Variants in ABCA1 observed in about 807,000 individuals in gnomAD.
The protein encoded by ABCA1 is phospholipid-transporting ATPase ABCA1.
A neutral mutation model predicts 262.5 loss-of-function variants in ABCA1; 133 were observed. That is an observed-to-expected ratio of 0.51 (90% CI 0.44 to 0.59). The LOEUF is 0.59. ABCA1 is among the 20% of genes least tolerant of loss of function. The pLI, the probability that ABCA1 is intolerant of heterozygous loss-of-function variation, is 0.00. For synonymous variants in ABCA1, 1,022 were observed against 1,043.5 expected (o/e 0.98, Z 0.40); for missense variants, 2,452 against 2,777.5 (o/e 0.88, Z 2.63).
rs1840864826 is a variant in ABCA1 at position 104,903,789 on chromosome 9, AG to A, written c.-92-19del. On this transcript the variant is annotated intron_variant, in intron 1 of 49. Transcript: ENST00000374736. ...GTCATTAACTGAAAGATAAAGCAGG[AG>A]GGGAAACAGCCATCAGTTATTGCTG... 5.0e-6 allele frequency: 5 copies of A among 1,006,682 alleles called. No individual in the cohort carries two copies. The highest frequency in any genetic ancestry group is 4.1e-5 in the South Asian group (3 of 72,922). 62.4% of individuals were successfully genotyped at this position (1,006,682 alleles called of 1,614,324 possible).
chr9:104,831,873 C>T (rs542766048), intron 12 of ABCA1, 46 bp from the exon 13 acceptor site: 89 of 1,567,914 alleles, frequency 5.7e-5, no homozygotes, highest in African/African-American at 4.9e-4. Context: ...GCCAGGACAA[C>T]AAGCAGTGGC....
chr9:104,861,816 GTTTTAT>G lies in ABCA1; in HGVS notation c.422-22_422-17del. On this transcript the variant is annotated splice_polypyrimidine_tract_variant and intron_variant, in intron 5 of 49. Transcript: ENST00000374736. ...AGCTTCAAGTCTATTGAGAAATAGT[GTTTTAT>G]TTTTATTTAGTAAGTAACTCAAAAA... 6.3e-7 allele frequency: 1 copy of G among 1,595,698 alleles called. No homozygotes were observed. The highest frequency in any genetic ancestry group is 8.6e-7 in the Non-Finnish European group (1 of 1,169,340).
At position 104,814,446 on chromosome 9, in the gene ABCA1, C is replaced by T. The variant is rs140160885; in HGVS notation, c.3768G>A (p.Gly1256=). The T allele has an allele frequency of 6.1e-5, 99 of 1,614,020 alleles. 2 individuals are homozygous for T. Among genetic ancestry groups the T allele is most frequent in the South Asian group, 4.3e-4 (39 of 91,072 alleles). Residue 1256 remains glycine (G), a synonymous_variant, in exon 26 of 50, where the codon GGG becomes GGA. Transcript: ENST00000374736. The part of the protein sequence containing the change: ...EIFLKVAEES[G]VDAETSDGTL... ...AGTTACCTGAGGTCTCAGCATCCACCCCACTCTCTTCGGCCACCTTGAGGA... is the reference window on the plus strand; with the variant it reads ...AGTTACCTGAGGTCTCAGCATCCACTCCACTCTCTTCGGCCACCTTGAGGA...
intron 1 of ABCA1, among the ~76,000 whole-genome samples, chr9:104,918,852 C>A (rs1202568402): frequency 6.6e-6 from 1 of 152,122 alleles, no homozygotes; most frequent in African/African-American, 2.4e-5. Context: ...ATACCAGATC[C>A]AACAGATTTC....
At chr9:104,825,556 C>T in intron 17 of ABCA1, 127 bp downstream of exon 17, 1 of 901,390 alleles carries the variant, frequency 1.1e-6, no homozygotes, top group Non-Finnish European at 1.8e-6. Context: ...CTTGGACTAT[C>T]TGTTTACTAT....
chr9:104,790,812 A>AT, intron 44 of ABCA1, 110 bp downstream of exon 44: 1 of 798,066 alleles, frequency 1.3e-6, no homozygotes, highest in South Asian at 1.5e-5. Context: ...ATATTTCAAC[A>AT]TTTTTATGAA....
chr9:104,821,973 A>C (rs1227683938), intron 19 of ABCA1, among the ~76,000 whole-genome samples: 2 of 152,186 alleles, frequency 1.3e-5, no homozygotes, highest in Non-Finnish European at 2.9e-5. Flanking sequence ...GTCACCCCCC[A>C]AAGATATACC....
chr9:104,810,755 C>T (rs1165550304), intron 29 of ABCA1, 45 bp downstream of exon 29: 2 of 1,613,924 alleles, frequency 1.2e-6, no homozygotes, highest in Admixed American at 3.3e-5. Flanking sequence ...CATCTTTGGT[C>T]TGCTCGAATC....
chr9:104,893,421 CAAAAAAAAA>C (rs34544647), intron 2 of ABCA1, among the ~76,000 whole-genome samples: 840 of 34,968 alleles, frequency 0.024, 1 homozygote, highest in Non-Finnish European at 0.028. Flanking sequence ...GACTTCACCT[CAAAAAAAAA>C]AAAAAAAAAA....
At chr9:104,786,482 G>A in intron 47 of ABCA1, 92 bp from the exon 48 acceptor site, 1 of 1,126,470 alleles carries the variant, frequency 8.9e-7, no homozygotes, top group South Asian at 1.2e-5. Flanking sequence ...AGCTTCCTAG[G>A]GAATTGTATT....
chr9:104,892,154 C>T (rs896390553), intron 2 of ABCA1, among the ~76,000 whole-genome samples: 3 of 151,900 alleles, frequency 2.0e-5, no homozygotes, highest in Non-Finnish European at 4.4e-5. Context: ...ATGGATCCCT[C>T]TCTGGAAGAA....
chr9:104,809,971 GC>G (rs1173539742), intron 29 of ABCA1, among the ~76,000 whole-genome samples: 1 of 151,762 alleles, frequency 6.6e-6, no homozygotes, highest in Non-Finnish European at 1.5e-5. Flanking sequence ...TGTACTCTTT[GC>G]ATGCACAACT....
At chr9:104,795,689 C>CAAA (rs1829834298) in intron 39 of ABCA1, among the ~76,000 whole-genome samples, 1 of 152,124 alleles carries the variant, frequency 6.6e-6, no homozygotes, top group African/African-American at 2.4e-5. Flanking sequence ...AGGCATTGAT[C>CAAA]TTAGAGATGA....
chr9:104,910,197 C>T (rs1395016392), intron 1 of ABCA1, among the ~76,000 whole-genome samples: 1 of 152,104 alleles, frequency 6.6e-6, no homozygotes, highest in African/African-American at 2.4e-5. Context: ...AAATTGGCCC[C>T]TCTGGGTGGA....
chr9:104,799,977 A>G lies in ABCA1; in HGVS notation c.4785T>C (p.Asn1595=). ...AGCTGATTGCATGCCAGCCCTTGTT[A>G]TTGAACCACACCTGAAAGAAAACAT... ...DTKNNVKVWF[N]NKGWHAISSF... Residue 1595 remains asparagine, a synonymous_variant, in exon 36 of 50, where the codon AAT becomes AAC. Coordinates refer to ENST00000374736, the MANE Select transcript of ABCA1 (RefSeq NM_005502.4). 6.2e-7 allele frequency: 1 copy of G among 1,614,178 alleles called. No homozygotes were observed. The highest frequency in any genetic ancestry group is 8.5e-7 in the Non-Finnish European group (1 of 1,180,030).
intron 2 of ABCA1, among the ~76,000 whole-genome samples, chr9:104,900,620 T>C (rs1023807241): frequency 2.0e-5 from 3 of 152,136 alleles, no homozygotes; most frequent in South Asian, 2.1e-4. Context: ...TTCAGAGACA[T>C]AGAAGCTTTA....
In ABCA1 at chr9:104,832,558, C is replaced by G; in HGVS notation, c.1509+16G>C. 1 of 1,613,928 alleles carries G rather than the reference C, an allele frequency of 6.2e-7. No homozygotes were observed. The highest frequency in any genetic ancestry group is 8.5e-7 in the Non-Finnish European group (1 of 1,179,916). ...GCCGTTAAGTCTTTTCTAAATGATCCCAGCAACAGATTCACCTCCATGAAG... is the reference window on the plus strand; with the variant it reads ...GCCGTTAAGTCTTTTCTAAATGATCGCAGCAACAGATTCACCTCCATGAAG... On this transcript the variant is annotated intron_variant, in intron 12 of 49. Transcript: ENST00000374736.
intron 44 of ABCA1, among the ~76,000 whole-genome samples, chr9:104,789,015 G>A (rs1160972754): frequency 1.3e-5 from 2 of 152,316 alleles, no homozygotes; most frequent in Middle Eastern, 3.4e-3. Context: ...TTATGTGGTG[G>A]TGGGGTGGCT....
chr9:104,829,767 G>A (rs899667892), intron 14 of ABCA1, among the ~76,000 whole-genome samples: 26 of 151,978 alleles, frequency 1.7e-4, no homozygotes, highest in African/African-American at 6.3e-4. Flanking sequence ...TTAGCTTAGG[G>A]GTCTTTGTAA....
Sources: gnomAD v4.1 joint callset for allele counts (sites outside exome capture counted in the v4.1 genomes callset) on GRCh38, gnomAD v4.1.1 for gene constraint, MANE v1.5 for transcripts, NCBI Gene and HGNC (gene_info 2026-07-23, HGNC 2026-07-21) for gene names.